ZGRF1: variants seen among roughly 807,000 people sequenced by gnomAD.
ZGRF1 encodes zinc finger GRF-type containing 1.
Under a neutral mutation model 203.5 loss-of-function variants are expected in ZGRF1, and 196 were observed. That is an observed-to-expected ratio of 0.96 (90% confidence interval 0.86 to 1.08). The LOEUF (loss-of-function observed/expected upper bound fraction) is 1.08. Among genes scored for constraint, ZGRF1 ranks in the 50% least tolerant of loss-of-function variants. The pLI, the probability that ZGRF1 is intolerant of heterozygous loss-of-function variation, is 0.00. For synonymous variants in ZGRF1, 809 were observed against 841.3 expected, an observed-to-expected ratio of 0.96 and a Z score of 0.66; for missense variants, 2,326 against 2,416.3, an observed-to-expected ratio of 0.96 and a Z score of 0.78.
chr4:112,632,086 A>G, intron 2 of ZGRF1, 76 bp from the exon 3 acceptor site: 1 of 617,680 alleles, frequency 1.6e-6, no homozygotes, highest in Non-Finnish European at 2.5e-6. Context: ...TATCCTTCCT[A>G]CATACAAAAT....
At chr4:112,617,269 G>A (rs894943945) in intron 6 of ZGRF1, among the ~76,000 whole-genome samples, 171 bp downstream of exon 6, 3 of 152,106 alleles carry the variant, frequency 2.0e-5, no homozygotes, top group South Asian at 2.1e-4. Flanking sequence ...TGGTTGGATG[G>A]GGACTTTTCA....
chr4:112,559,826 A>AC (rs1283857338), intron 19 of ZGRF1, among the ~76,000 whole-genome samples: 1 of 152,118 alleles, frequency 6.6e-6, no homozygotes, highest in African/African-American at 2.4e-5. Flanking sequence ...CTAACTCTAG[A>AC]CCCCACACTC....
intron 15 of ZGRF1, among the ~76,000 whole-genome samples, chr4:112,583,065 T>G (rs1217086072): frequency 6.6e-6 from 1 of 152,192 alleles, no homozygotes; most frequent in African/African-American, 2.4e-5. Context: ...GGAACCTCAT[T>G]TTCTAAACTA....
rs1560868291 is a variant in ZGRF1 at position 112,618,188 on chromosome 4, A to AT, written c.1853dup (p.Tyr618Ter). ...TACATATTCCCATGTCAAAACCCAC[A>AT]TAAGTTTTATCACAAAACTGTGATG... is the stretch of plus-strand genomic sequence containing the variant. ...TLPSQFCDKT[Y>*]VGFDMGICKT... The change falls in exon 6 of 28, where the codon TAT becomes TAAT. Residue 618 changes from tyrosine to a stop codon, truncating the protein, a stop_gained and frameshift_variant. Transcript: ENST00000505019. LOFTEE classifies it high-confidence loss of function. 1 of 1,613,868 alleles carries AT rather than the reference A, an allele frequency of 6.2e-7. No homozygotes were observed. The highest frequency in any genetic ancestry group is 1.7e-5 in the Admixed American group (1 of 60,004).
Position 112,617,687 on chromosome 4 carries a change from A to T in ZGRF1, c.2355T>A (p.Pro785=). The change falls in exon 6 of 28, where the codon CCT becomes CCA. Residue 785 remains proline (P), a synonymous_variant. Coordinates refer to ENST00000505019, the MANE Select transcript of ZGRF1 (RefSeq NM_018392.5). The part of the protein sequence containing the change: ...SKDTEAHISE[P]EDLGKIRSPP... ...GACTTCTAATCTTTCCCAAATCTTC[A>T]GGTTCAGATATATGTGCTTCTGTGT... The T allele has an allele frequency of 6.2e-7, 1 of 1,613,998 alleles. No homozygotes were observed.
Position 112,581,638 on chromosome 4 carries a change from C to T in ZGRF1, c.4438+25G>A, listed in dbSNP as rs777296928. 2.5e-5 allele frequency: 38 copies of T among 1,532,478 alleles called. No homozygotes were observed. The South Asian group carries it at 4.1e-4, about 16-fold the overall frequency. 94.9% of individuals were successfully genotyped at this position (1,532,478 alleles called of 1,614,324 possible). On this transcript the variant is annotated intron_variant, in intron 16 of 27. Coordinates refer to ENST00000505019, the MANE Select transcript of ZGRF1 (RefSeq NM_018392.5). Reference sequence around the variant, plus strand: ...TGGAGATAATAAGGCTAGACTGAATCGCCAGTATGATCAGATCAACTTACT... The same window carrying T: ...TGGAGATAATAAGGCTAGACTGAATTGCCAGTATGATCAGATCAACTTACT...
intron 16 of ZGRF1, among the ~76,000 whole-genome samples, chr4:112,573,852 G>A (rs1433632270): frequency 6.6e-6 from 1 of 152,002 alleles, no homozygotes; most frequent in Non-Finnish European, 1.5e-5. Flanking sequence ...ATAAAAGAAG[G>A]TTATAAAGAA....
In ZGRF1 at chr4:112,612,556, T is replaced by C; in HGVS notation, c.2635A>G (p.Lys879Glu). 2 of 1,607,846 alleles carry C rather than the reference T, an allele frequency of 1.2e-6. No individual in the cohort carries two copies. Among genetic ancestry groups the C allele is most frequent in the Non-Finnish European group, 1.7e-6 (2 of 1,175,702 alleles). Reference sequence around the variant, plus strand: ...GAATCCTTGTGCAGATGAGGAGACTTTGGTGAAACTACTGTAATAAATGGT... The same window carrying C: ...GAATCCTTGTGCAGATGAGGAGACTCTGGTGAAACTACTGTAATAAATGGT... ...RKPFITVVSPKSPHLHKDSQQ... is the reference protein window; with the variant it reads ...RKPFITVVSPESPHLHKDSQQ... The change falls in exon 7 of 28, where the codon AAG becomes GAG. Residue 879 changes from lysine (K) to glutamate (E), a missense_variant. Transcript: ENST00000505019.
chr4:112,580,124 A>G lies in ZGRF1; in HGVS notation c.4438+1539T>C, dbSNP rs186063348. Among the ~76,000 whole-genome samples the G allele has an allele frequency of 4.9e-5, 6 of 122,302 alleles. 2 individuals are homozygous for G. The highest frequency in any genetic ancestry group is 1.1e-4 in the African/African-American group (4 of 35,304). The allele number at this position is 122,302 out of a possible 152,430, so 80.2% of individuals were successfully genotyped here. On this transcript the variant is annotated intron_variant, in intron 16 of 27. Coordinates refer to ENST00000505019, the MANE Select transcript of ZGRF1 (RefSeq NM_018392.5). Reference sequence around the variant, plus strand: ...ACAGAGCCCTCAGAAATAATGCCGCATACCTACAACTATCTGATCTTTGAC... The same window carrying G: ...ACAGAGCCCTCAGAAATAATGCCGCGTACCTACAACTATCTGATCTTTGAC...
intron 22 of ZGRF1, among the ~76,000 whole-genome samples, chr4:112,550,649 T>G (rs1739778448): frequency 6.6e-6 from 1 of 152,126 alleles, no homozygotes; most frequent in Non-Finnish European, 1.5e-5. Flanking sequence ...GGTCAGGAGT[T>G]TGAGACCAGC....
At position 112,614,338 on chromosome 4, in the gene ZGRF1, A is replaced by T. The variant is rs1047366671; in HGVS notation, c.2603-1750T>A. Among the ~76,000 whole-genome samples the T allele has an allele frequency of 2.0e-5, 3 of 152,258 alleles. No individual in the cohort carries two copies. The East Asian group carries it at 5.8e-4, about 29-fold the overall frequency. ...TAAAGTTTATTTGTAACCCCAAATC[A>T]GTATTTGCTATACTTTCATGGTCAT... On this transcript the variant is annotated intron_variant, in intron 6 of 27. Transcript: ENST00000505019.
rs1205588042 is a variant in ZGRF1, at chr4:112,578,038, C to T, written c.4438+3625G>A. Among the ~76,000 whole-genome samples, 3 of 123,114 alleles carry T rather than the reference C, an allele frequency of 2.4e-5. 1 individual carries two copies. The highest frequency in any genetic ancestry group is 8.4e-5 in the African/African-American group (3 of 35,554). The allele number at this position is 123,114 out of a possible 152,430, so 80.8% of individuals were successfully genotyped here. A position where few individuals can be genotyped will look rare whatever the true frequency, so the allele number is the denominator to read the frequency against. On this transcript the variant is annotated intron_variant, in intron 16 of 27. Transcript: ENST00000505019. Reference sequence around the variant, plus strand: ...TGACCATATAGTTGGAAGTAAAACACTCCTCAGCAAATGTGAAAGAACAGA... The same window carrying T: ...TGACCATATAGTTGGAAGTAAAACATTCCTCAGCAAATGTGAAAGAACAGA...
intron 3 of ZGRF1, among the ~76,000 whole-genome samples, chr4:112,630,345 C>T (rs1459575810): frequency 6.6e-6 from 1 of 151,332 alleles, no homozygotes; most frequent in Non-Finnish European, 1.5e-5. Flanking sequence ...TGGTGAAACT[C>T]CGTGTCTATT....
chr4:112,558,359 T>C (rs1036812869), intron 19 of ZGRF1, 50 bp from the exon 20 acceptor site: 7 of 1,360,168 alleles, frequency 5.1e-6, no homozygotes, highest in Non-Finnish European at 6.7e-6. Flanking sequence ...ATAAATAAAT[T>C]TCTTTTTTCT....
chr4:112,573,167 TACACACACACAC>T lies in ZGRF1; in HGVS notation c.4438+8484_4438+8495del, dbSNP rs145611842. ...CAACAAGTGGATAAAGAAATTGTGATACACACACACACACACACACACACACACACACACCCA... is the reference window on the plus strand; with the variant it reads ...CAACAAGTGGATAAAGAAATTGTGATACACACACACACACACACACACCCA... On this transcript the variant is annotated intron_variant, in intron 16 of 27. Transcript: ENST00000505019. Among the ~76,000 whole-genome samples, 170 of 145,610 alleles carry T rather than the reference TACACACACACAC, an allele frequency of 1.2e-3. 1 individual carries two copies. Among genetic ancestry groups the T allele is most frequent in the Admixed American group, 4.0e-3 (58 of 14,578 alleles).
chr4:112,585,524 A>G lies in ZGRF1; in HGVS notation c.4101+17T>C. The G allele has an allele frequency of 6.3e-7, 1 of 1,593,100 alleles. No homozygotes were observed. Among genetic ancestry groups the G allele is most frequent in the Admixed American group, 1.8e-5 (1 of 57,120 alleles). ...GACAAGTATTTGGTATGGTAGGGGG[A>G]GGGGAAGCAAGAATACCTTATTTGG... On this transcript the variant is annotated intron_variant, in intron 14 of 27. Transcript: ENST00000505019.
Position 112,609,389 on chromosome 4 carries a change from T to C in ZGRF1, c.2708A>G (p.Gln903Arg). The C allele has an allele frequency of 6.4e-7, 1 of 1,560,652 alleles. No homozygotes were observed. ...TTTTAAATAACTTACCTGCACAGACTGAAGTGGTTCACTTAGTTCAACTTC... is the reference window on the plus strand; with the variant it reads ...TTTTAAATAACTTACCTGCACAGACCGAAGTGGTTCACTTAGTTCAACTTC... ...EDEVELSEPL[Q>R]SVQFSSSGSK... Residue 903 changes from glutamine (Q) to arginine (R), a missense_variant, in exon 8 of 28, where the codon CAG (glutamine) becomes CGG (arginine). Physicochemically the swap from Gln to Arg is conservative, Grantham distance 43. Transcript: ENST00000505019.
intron 18 of ZGRF1, chr4:112,562,140 C>G: frequency 2.7e-6 from 1 of 364,974 alleles, no homozygotes; most frequent in Non-Finnish European, 5.2e-6. Context: ...AACTCCCGAC[C>G]TCTGGTGATC....
intron 10 of ZGRF1, among the ~76,000 whole-genome samples, chr4:112,601,401 C>A (rs559938995): frequency 2.0e-5 from 3 of 151,994 alleles, no homozygotes; most frequent in East Asian, 3.9e-4. Context: ...AATGTATATG[C>A]AACCATACTA....
Sources: gnomAD v4.1 joint callset for allele counts (sites outside exome capture counted in the v4.1 genomes callset) on GRCh38, gnomAD v4.1.1 for gene constraint, MANE v1.5 for transcripts, NCBI Gene and HGNC (gene_info 2026-07-23, HGNC 2026-07-21) for gene names.